Variants in PTPN2 observed in about 807,000 individuals in gnomAD.
PTPN2 encodes the protein protein tyrosine phosphatase non-receptor type 2.
PTPN2 carries 19 observed loss-of-function variants against 57.3 expected under a neutral mutation model. That is an observed-to-expected ratio of 0.33 (90% CI 0.23 to 0.49). PTPN2 has a LOEUF of 0.49. Ranked by LOEUF, PTPN2 falls within the 20% of genes least tolerant of loss-of-function variation. The pLI is 0.99. For missense variants in PTPN2, 358 were observed against 501.1 expected (o/e 0.71, Z 2.73); for synonymous variants, 153 against 164.9 (o/e 0.93, Z 0.55).
At chr18:12,834,178 T>C (rs1307110106) in intron 3 of PTPN2, among the ~76,000 whole-genome samples, 1 of 151,942 alleles carries the variant, frequency 6.6e-6, no homozygotes, top group East Asian at 1.9e-4. Context: ...AATACAGAAA[T>C]TAGCTGGGAG....
At chr18:12,795,262 A>G (rs1244056306) in intron 8 of PTPN2, among the ~76,000 whole-genome samples, 1 of 151,490 alleles carries the variant, frequency 6.6e-6, no homozygotes, top group Non-Finnish European at 1.5e-5. Flanking sequence ...TCTACCTCCC[A>G]TTTTCATAGT....
chr18:12,806,868 C>T (rs2041670521), intron 7 of PTPN2, among the ~76,000 whole-genome samples: 1 of 152,142 alleles, frequency 6.6e-6, no homozygotes, highest in African/African-American at 2.4e-5. Flanking sequence ...GGAAACACTT[C>T]AGGACATTGG....
chr18:12,809,390 A>G (rs1378204790), intron 7 of PTPN2, among the ~76,000 whole-genome samples: 1 of 152,254 alleles, frequency 6.6e-6, no homozygotes. Flanking sequence ...GAAAGCAGTG[A>G]CAATTGTACA....
At chr18:12,869,573 C>T (rs1253442002) in intron 1 of PTPN2, among the ~76,000 whole-genome samples, 2 of 152,108 alleles carry the variant, frequency 1.3e-5, no homozygotes, top group African/African-American at 4.8e-5. Flanking sequence ...TTTAGTATTT[C>T]GTACATAGCT....
intron 1 of PTPN2, among the ~76,000 whole-genome samples, chr18:12,878,549 A>C (rs1250925706): frequency 1.3e-5 from 2 of 151,904 alleles, no homozygotes; most frequent in African/African-American, 2.4e-5. Flanking sequence ...GGGCACCTGT[A>C]ATCCCAGCTA....
intron 7 of PTPN2, among the ~76,000 whole-genome samples, chr18:12,811,682 C>T (rs1048451946): frequency 3.3e-5 from 5 of 152,188 alleles, no homozygotes; most frequent in African/African-American, 1.2e-4. Context: ...CAAACTCACT[C>T]GTCTCTGTCC....
intron 8 of PTPN2, among the ~76,000 whole-genome samples, chr18:12,800,040 T>C (rs573946955): frequency 6.6e-6 from 1 of 152,110 alleles, no homozygotes; most frequent in Non-Finnish European, 1.5e-5. Context: ...GTCTCATTTA[T>C]CAGACAGGGA....
intron 1 of PTPN2, among the ~76,000 whole-genome samples, chr18:12,870,349 A>G (rs1386220638): frequency 1.0e-3 from 50 of 49,532 alleles, no homozygotes; most frequent in East Asian, 9.5e-3. Context: ...ATACATATAT[A>G]TGTGTATATA....
intron 6 of PTPN2, among the ~76,000 whole-genome samples, chr18:12,815,271 G>A (rs1238874543): frequency 6.6e-6 from 1 of 151,740 alleles, no homozygotes; most frequent in African/African-American, 2.4e-5. Flanking sequence ...AATTAGCTGG[G>A]CATGGTGGTA....
downstream of PTPN2, among the ~76,000 whole-genome samples, chr18:12,788,321 T>C (rs895119526): frequency 3.3e-5 from 5 of 151,704 alleles, no homozygotes; most frequent in African/African-American, 9.7e-5. Flanking sequence ...CTTCACCAAA[T>C]TGCATAATTC....
chr18:12,796,435 A>G (rs2041191290), intron 8 of PTPN2, among the ~76,000 whole-genome samples: 1 of 152,216 alleles, frequency 6.6e-6, no homozygotes, highest in Non-Finnish European at 1.5e-5. Context: ...TCTTTCAGAC[A>G]AGAGAAATCT....
chr18:12,859,088 G>T, intron 2 of PTPN2, 76 bp downstream of exon 2: 1 of 1,059,334 alleles, frequency 9.4e-7, no homozygotes, highest in Non-Finnish European at 1.4e-6. Context: ...CTGACCCCAA[G>T]CCCTCCTTTT....
intron 2 of PTPN2, among the ~76,000 whole-genome samples, chr18:12,854,211 C>G (rs1394911936): frequency 1.3e-5 from 2 of 151,452 alleles, no homozygotes; most frequent in Non-Finnish European, 2.9e-5. Context: ...ATCTAAAAAA[C>G]TAGCTCAGCA....
At chr18:12,882,154 T>C (rs973728186) in intron 1 of PTPN2, among the ~76,000 whole-genome samples, 1 of 152,194 alleles carries the variant, frequency 6.6e-6, no homozygotes, top group Non-Finnish European at 1.5e-5. Flanking sequence ...TAGCTCAAAC[T>C]TCCTGACTTG....
chr18:12,795,341 G>C (rs774593618), intron 8 of PTPN2, among the ~76,000 whole-genome samples: 1 of 152,034 alleles, frequency 6.6e-6, no homozygotes, highest in African/African-American at 2.4e-5. Context: ...TTGCCCAGGC[G>C]GGAGTGCAGT....
intron 1 of PTPN2, among the ~76,000 whole-genome samples, chr18:12,867,809 T>G (rs1167454356): frequency 6.6e-6 from 1 of 152,082 alleles, no homozygotes; most frequent in Non-Finnish European, 1.5e-5. Flanking sequence ...TTAACAATTG[T>G]GTGTTATAAC....
intron 4 of PTPN2, among the ~76,000 whole-genome samples, chr18:12,827,246 G>A (rs2042501151): frequency 6.6e-6 from 1 of 151,824 alleles, no homozygotes; most frequent in African/African-American, 2.4e-5. Context: ...GGGAGGCTGA[G>A]GCAGAAGAAT....
chr18:12,793,380 T>C lies in PTPN2; in HGVS notation c.*898A>G, dbSNP rs1008755088. 5.1e-6 allele frequency: 5 copies of C among 978,612 alleles called. No homozygotes were observed. Among genetic ancestry groups the C allele is most frequent in the African/African-American group, 1.8e-5 (1 of 57,060 alleles). The allele number at this position is 978,612 out of a possible 1,614,324, so 60.6% of individuals were successfully genotyped here. A position where few individuals can be genotyped will look rare whatever the true frequency, so the allele number is the denominator to read the frequency against. On this transcript the variant is annotated 3_prime_UTR_variant, in exon 9 of 9. Coordinates refer to ENST00000309660, the MANE Select transcript of PTPN2 (RefSeq NM_002828.4). Reference sequence around the variant, plus strand: ...CTTCTTACTTTTGCTTCCTAAATCATAATCTACCCCAACTACATTGAAATT... The same window carrying C: ...CTTCTTACTTTTGCTTCCTAAATCACAATCTACCCCAACTACATTGAAATT...
chr18:12,827,308 A>G (rs1598800420), intron 4 of PTPN2, among the ~76,000 whole-genome samples: 1 of 150,880 alleles, frequency 6.6e-6, no homozygotes, highest in Non-Finnish European at 1.5e-5. Flanking sequence ...GCAGCACTGC[A>G]CTCCAGCCTG....
Sources: allele counts gnomAD v4.1 joint callset (sites outside exome capture counted in the v4.1 genomes callset), GRCh38; gene constraint gnomAD v4.1.1; transcripts MANE v1.5; gene names NCBI Gene and HGNC (gene_info 2026-07-23, HGNC 2026-07-21).